The following ADGRG6 variants were observed in gnomAD, a reference collection of about 807,000 sequenced individuals.
ADGRG6 encodes the protein G-protein coupled receptor 126.
ADGRG6 carries 84 observed loss-of-function variants against 142.4 expected under a neutral mutation model. The ratio of observed to expected loss-of-function variants is 0.59; its 90% CI spans 0.49 to 0.71. The LOEUF is 0.71. ADGRG6 is among the 30% of genes least tolerant of loss of function. The probability of loss-of-function intolerance (pLI) is 0.00; values close to 1 mark genes in which losing one functional copy is unlikely to be tolerated. For missense variants in ADGRG6, 1,367 were observed against 1,466.6 expected, an observed-to-expected ratio of 0.93 and a Z score of 1.11; for synonymous variants, 521 against 520.5, an observed-to-expected ratio of 1.00 and a Z score of -0.01.
At chr6:142,305,113 G>C (rs1190056936) in intron 1 of ADGRG6, among the ~76,000 whole-genome samples, 1 of 151,824 alleles carries the variant, frequency 6.6e-6, no homozygotes, top group Admixed American at 6.6e-5. Flanking sequence ...CAAATGACTT[G>C]AACATGACAA....
chr6:142,404,037 A>G, intron 14 of ADGRG6, 64 bp downstream of exon 14: 1 of 1,222,738 alleles, frequency 8.2e-7, no homozygotes, highest in Non-Finnish European at 1.2e-6. Flanking sequence ...CTTGCTGATC[A>G]CTTAGCAGTT....
At chr6:142,381,851 C>T (rs1046798835) in intron 4 of ADGRG6, 100 bp from the exon 5 acceptor site, 25 of 634,716 alleles carry the variant, frequency 3.9e-5, no homozygotes, top group Non-Finnish European at 6.2e-5. Flanking sequence ...TACTGGTGGA[C>T]TCTTCTAGGG....
intron 14 of ADGRG6, 36 bp downstream of exon 14, chr6:142,404,009 T>G (rs1210154040): frequency 6.8e-7 from 1 of 1,460,504 alleles, no homozygotes; most frequent in Non-Finnish European, 9.6e-7. Context: ...TTTAATTAAT[T>G]AGTTAGACAT....
chr6:142,422,897 G>A (rs1259596486), intron 22 of ADGRG6, among the ~76,000 whole-genome samples: 1 of 144,536 alleles, frequency 6.9e-6, no homozygotes, highest in Non-Finnish European at 1.5e-5. Flanking sequence ...GTTTTGATTT[G>A]CATTTCTCTG....
chr6:142,305,458 AC>A lies in ADGRG6; in HGVS notation c.2+3128del, dbSNP rs1777447202. Among the ~76,000 whole-genome samples, 4 of 135,164 alleles carry A rather than the reference AC, an allele frequency of 3.0e-5. No individual in the cohort carries two copies. In the South Asian group the frequency reaches 9.9e-4, roughly 33 times the overall value. 88.7% of individuals were successfully genotyped at this position (135,164 alleles called of 152,430 possible). A position where few individuals can be genotyped will look rare whatever the true frequency, so the allele number is the denominator to read the frequency against. On this transcript the variant is annotated intron_variant, in intron 1 of 24. Coordinates refer to ENST00000367609, the MANE Select transcript of ADGRG6 (RefSeq NM_198569.3). ...CACACACACACACACACACACACACACACACACACACAATTTTTTTCTGAAC... is the reference window on the plus strand; with the variant it reads ...CACACACACACACACACACACACACAACACACACACAATTTTTTTCTGAAC...
chr6:142,307,172 T>C (rs1777541709), intron 1 of ADGRG6, among the ~76,000 whole-genome samples: 1 of 152,136 alleles, frequency 6.6e-6, no homozygotes, highest in South Asian at 2.1e-4. Flanking sequence ...AGAGATTAAA[T>C]GAATCTGAGA....
At chr6:142,411,861 T>C (rs1384891573) in intron 18 of ADGRG6, among the ~76,000 whole-genome samples, 2 of 152,180 alleles carry the variant, frequency 1.3e-5, no homozygotes, top group Non-Finnish European at 2.9e-5. Context: ...ATTTGAACGT[T>C]GCTTTGTACC....
At chr6:142,316,863 T>C (rs578032261) in intron 2 of ADGRG6, among the ~76,000 whole-genome samples, 4 of 152,214 alleles carry the variant, frequency 2.6e-5, no homozygotes, top group Admixed American at 6.5e-5. Flanking sequence ...AAATGTAGTC[T>C]GTCACCTTTT....
At chr6:142,376,710 T>A (rs1286938614) in intron 4 of ADGRG6, among the ~76,000 whole-genome samples, 4 of 152,196 alleles carry the variant, frequency 2.6e-5, no homozygotes, top group Admixed American at 2.6e-4. Context: ...TGCAAAGGAC[T>A]TTATACTCTG....
At chr6:142,313,367 A>G (rs1198976374) in intron 2 of ADGRG6, among the ~76,000 whole-genome samples, 1 of 152,008 alleles carries the variant, frequency 6.6e-6, no homozygotes, top group Non-Finnish European at 1.5e-5. Context: ...TGATATCTCA[A>G]GCAGACAGAG....
chr6:142,418,327 C>T (rs1227792367), intron 21 of ADGRG6, among the ~76,000 whole-genome samples: 4 of 143,072 alleles, frequency 2.8e-5, no homozygotes, highest in South Asian at 2.3e-4. Context: ...AACCCACTTA[C>T]ATCCAATCAC....
At chr6:142,317,037 T>G (rs1778111482) in intron 2 of ADGRG6, among the ~76,000 whole-genome samples, 1 of 152,126 alleles carries the variant, frequency 6.6e-6, no homozygotes, top group African/African-American at 2.4e-5. Flanking sequence ...CATTTTTGTT[T>G]CAATACTGCT....
At chr6:142,361,055 C>T (rs551580726) in intron 2 of ADGRG6, among the ~76,000 whole-genome samples, 85 of 152,254 alleles carry the variant, frequency 5.6e-4, no homozygotes, top group Non-Finnish European at 8.7e-4. Context: ...TTTTGTCATT[C>T]TCTGGTTGTG....
At chr6:142,343,270 C>T (rs944828360) in intron 2 of ADGRG6, among the ~76,000 whole-genome samples, 1 of 151,374 alleles carries the variant, frequency 6.6e-6, no homozygotes, top group Non-Finnish European at 1.5e-5. Context: ...AGAGAGAGTA[C>T]TTGGAAATAG....
Position 142,445,605 on chromosome 6 carries a change from T to C in ADGRG6, c.*2090T>C, listed in dbSNP as rs1777940815. On this transcript the variant is annotated 3_prime_UTR_variant, in exon 25 of 25. Coordinates refer to ENST00000367609, the MANE Select transcript of ADGRG6 (RefSeq NM_198569.3). The stretch of plus-strand genomic sequence containing the variant: ...ATATTTGACAATGTCAGCTCCACTT[T>C]AGAAATTTTCAATAACCAGATGAGA... 1.3e-5 allele frequency: 2 copies of C among 152,166 alleles called. No homozygotes were observed. Among genetic ancestry groups the C allele is most frequent in the African/African-American group, 4.8e-5 (2 of 41,454 alleles). The allele number at this position is 152,166 out of a possible 1,614,324, so 9.4% of individuals were successfully genotyped here. A position where few individuals can be genotyped will look rare whatever the true frequency, so the allele number is the denominator to read the frequency against.
At chr6:142,387,538 A>G (rs564972810) in intron 6 of ADGRG6, among the ~76,000 whole-genome samples, 3 of 152,352 alleles carry the variant, frequency 2.0e-5, no homozygotes, top group African/African-American at 7.2e-5. Context: ...CCACTGTCGT[A>G]ATAGAATTGC....
In ADGRG6 at chr6:142,443,490, C is replaced by T; in HGVS notation, c.3728C>T (p.Thr1243Ile). ...TATAAAAATATTATCATGTCAGACA[C>T]CTTCAGCCACAGCACAAAGTTTTAA... is the stretch of plus-strand genomic sequence containing the variant. ...NFYKNIIMSD[T>I]FSHSTKF Residue 1243 changes from threonine (T) to isoleucine (I), a missense_variant, in exon 25 of 25, where the codon ACC becomes ATC. Thr to Ile is a moderately conservative substitution (Grantham distance 89). This residue lies in a region of ADGRG6 where 344 missense variants were observed against 348.7 expected (regional missense o/e 0.99). Coordinates refer to ENST00000367609, the MANE Select transcript of ADGRG6 (RefSeq NM_198569.3). 1.9e-6 allele frequency: 3 copies of T among 1,610,238 alleles called. No individual in the cohort carries two copies. The highest frequency in any genetic ancestry group is 1.3e-5 in the African/African-American group (1 of 74,874).
At chr6:142,413,898 A>AACACAC (rs1554252954) in intron 18 of ADGRG6, among the ~76,000 whole-genome samples, 1,026 of 89,916 alleles carry the variant, frequency 0.011, 13 homozygotes, top group African/African-American at 0.051. Flanking sequence ...ACATTTCTTT[A>AACACAC]TCACACACAC....
Position 142,341,409 on chromosome 6 carries a change from T to C in ADGRG6, c.104-26160T>C, listed in dbSNP as rs369156343. Among the ~76,000 whole-genome samples the C allele has an allele frequency of 2.4e-5, 3 of 122,576 alleles. No homozygotes were observed. The East Asian group carries it at 6.3e-4, about 26-fold the overall frequency. The allele number at this position is 122,576 out of a possible 152,430, so 80.4% of individuals were successfully genotyped here. ...CTATATATTATATTATATAATATAT[T>C]ATATAATATAATTATATAATATATA... On this transcript the variant is annotated intron_variant, in intron 2 of 24. Transcript: ENST00000367609.
Sources: allele counts gnomAD v4.1 joint callset (sites outside exome capture counted in the v4.1 genomes callset), GRCh38; gene constraint gnomAD v4.1.1; regional missense constraint gnomAD v4.1.1; transcripts MANE v1.5; gene names NCBI Gene and HGNC (gene_info 2026-07-23, HGNC 2026-07-21).